FHIT: variants seen among roughly 807,000 people sequenced by gnomAD.
FHIT encodes bis(5'-adenosyl)-triphosphatase.
In FHIT, 19 loss-of-function variants were observed where a neutral mutation model predicts 17.9. That is an observed-to-expected ratio of 1.06 (90% CI 0.74 to 1.56). The LOEUF is 1.56. FHIT is among the 40% of genes most tolerant of loss of function. The pLI, the probability that FHIT is intolerant of heterozygous loss-of-function variation, is 0.00. For synonymous variants in FHIT, 81 were observed against 69.7 expected (o/e 1.16, Z -0.81); for missense variants, 248 against 189.2 (o/e 1.31, Z -1.82).
At chr3:59,897,299 G>A (rs1286596736) in intron 8 of FHIT, among the ~76,000 whole-genome samples, 1 of 152,166 alleles carries the variant, frequency 6.6e-6, no homozygotes, top group Non-Finnish European at 1.5e-5. Flanking sequence ...GCACAGCACA[G>A]CTCTAGACAC....
intron 4 of FHIT, among the ~76,000 whole-genome samples, chr3:60,764,121 C>T (rs1699761970): frequency 2.0e-5 from 3 of 152,100 alleles, no homozygotes; most frequent in Admixed American, 6.6e-5. Flanking sequence ...TGACATCCAG[C>T]GTGGTATGTT....
At chr3:60,151,198 A>G (rs1700447234) in intron 5 of FHIT, among the ~76,000 whole-genome samples, 1 of 152,176 alleles carries the variant, frequency 6.6e-6, no homozygotes, top group African/African-American at 2.4e-5. Context: ...AGATTTAAGA[A>G]CAGTATGAAC....
At chr3:60,344,982 G>A (rs6446125) in intron 5 of FHIT, among the ~76,000 whole-genome samples, 87,998 of 151,920 alleles carry the variant, frequency 0.58, 27,002 homozygotes, top group African/African-American at 0.77. Flanking sequence ...GTTACTTAAG[G>A]CAATGTCATT....
At chr3:61,140,299 T>G (rs2037043300) in intron 2 of FHIT, among the ~76,000 whole-genome samples, 1 of 152,156 alleles carries the variant, frequency 6.6e-6, no homozygotes, top group South Asian at 2.1e-4. Flanking sequence ...ATGCATTCAG[T>G]AACAAATATA....
intron 5 of FHIT, among the ~76,000 whole-genome samples, chr3:60,333,430 T>A (rs1710082710): frequency 6.6e-6 from 1 of 152,012 alleles, no homozygotes; most frequent in Non-Finnish European, 1.5e-5. Flanking sequence ...AAAACAGTAT[T>A]GCTGAAACAG....
intron 5 of FHIT, among the ~76,000 whole-genome samples, chr3:60,114,036 AATATATATATATATATATATATATAT>A (rs1157736530): frequency 3.9e-4 from 4 of 10,220 alleles, no homozygotes; most frequent in Middle Eastern, 0.083. Context: ...AAAAAAAAAA[AATATATATATATATATATATATATAT>A]ATATATATAT....
At chr3:60,182,674 T>C (rs989838880) in intron 5 of FHIT, among the ~76,000 whole-genome samples, 9 of 151,940 alleles carry the variant, frequency 5.9e-5, no homozygotes, top group African/African-American at 1.9e-4. Flanking sequence ...TCCCAGCTAC[T>C]TGGGAGGCTG....
intron 2 of FHIT, among the ~76,000 whole-genome samples, chr3:61,178,473 C>G (rs1431583183): frequency 6.7e-6 from 1 of 149,586 alleles, no homozygotes; most frequent in Non-Finnish European, 1.5e-5. Context: ...ATGTGGCCTT[C>G]CAGAATATAG....
chr3:59,989,319 T>C (rs1236153842), intron 7 of FHIT, among the ~76,000 whole-genome samples: 2 of 152,030 alleles, frequency 1.3e-5, no homozygotes, highest in African/African-American at 2.4e-5. Flanking sequence ...GGGAATGAGA[T>C]GGCTGACTTC....
At chr3:59,780,240 G>A (rs1175545414) in intron 8 of FHIT, among the ~76,000 whole-genome samples, 2 of 152,216 alleles carry the variant, frequency 1.3e-5, no homozygotes, top group South Asian at 2.1e-4. Flanking sequence ...AAGACACACT[G>A]TAGGTAAAGT....
intron 3 of FHIT, among the ~76,000 whole-genome samples, chr3:60,882,119 A>G (rs969361173): frequency 1.3e-5 from 2 of 152,132 alleles, no homozygotes; most frequent in Non-Finnish European, 2.9e-5. Context: ...CTGTACACCC[A>G]CAAATTGGAA....
At chr3:60,763,643 A>T (rs1356051724) in intron 4 of FHIT, among the ~76,000 whole-genome samples, 1 of 152,214 alleles carries the variant, frequency 6.6e-6, no homozygotes, top group Non-Finnish European at 1.5e-5. Flanking sequence ...CATGGCGATG[A>T]GCTGTGTTCT....
At chr3:60,443,499 T>C (rs1357177654) in intron 5 of FHIT, among the ~76,000 whole-genome samples, 2 of 152,210 alleles carry the variant, frequency 1.3e-5, no homozygotes, top group African/African-American at 4.8e-5. Context: ...TTGAATTTTA[T>C]CAAAGGCCTT....
chr3:60,536,787 A>G, intron 5 of FHIT, 73 bp downstream of exon 5: 7 of 1,483,276 alleles, frequency 4.7e-6, no homozygotes, highest in Non-Finnish European at 6.3e-6. Flanking sequence ...CCAATCTTGT[A>G]TTTATATTCA....
chr3:60,116,962 G>C (rs1477072201), intron 5 of FHIT, among the ~76,000 whole-genome samples: 1 of 151,548 alleles, frequency 6.6e-6, no homozygotes, highest in Non-Finnish European at 1.5e-5. Context: ...ATGCACCATG[G>C]GTTAAAAAAA....
intron 5 of FHIT, among the ~76,000 whole-genome samples, chr3:60,365,371 A>G (rs1351912631): frequency 6.6e-6 from 1 of 152,078 alleles, no homozygotes; most frequent in African/African-American, 2.4e-5. Context: ...CCTTTGAAAA[A>G]GGAAAGTTGT....
At chr3:60,886,732 T>A (rs1402858278) in intron 3 of FHIT, among the ~76,000 whole-genome samples, 1 of 152,210 alleles carries the variant, frequency 6.6e-6, no homozygotes, top group Non-Finnish European at 1.5e-5. Flanking sequence ...TGTTCTTTTT[T>A]AAATAGATCT....
At chr3:59,847,607 A>T (rs1023007485) in intron 8 of FHIT, among the ~76,000 whole-genome samples, 1 of 151,830 alleles carries the variant, frequency 6.6e-6, no homozygotes, top group Non-Finnish European at 1.5e-5. Context: ...TTATTTATTT[A>T]TTTTCCCTTT....
chr3:60,589,223 C>T (rs967931855), intron 4 of FHIT, among the ~76,000 whole-genome samples: 19 of 152,022 alleles, frequency 1.2e-4, no homozygotes, highest in African/African-American at 4.6e-4. Context: ...GTAATAAGCA[C>T]AGGGCAACAC....
Sources: gnomAD v4.1 joint callset for allele counts (sites outside exome capture counted in the v4.1 genomes callset) on GRCh38, gnomAD v4.1.1 for gene constraint, MANE v1.5 for transcripts, NCBI Gene and HGNC (gene_info 2026-07-23, HGNC 2026-07-21) for gene names.